Variants in CCDC47 observed in about 807,000 individuals in gnomAD.
CCDC47 encodes the protein PAT complex subunit CCDC47.
CCDC47 carries 41 observed loss-of-function variants against 60.5 expected under a neutral mutation model. The ratio of observed to expected loss-of-function variants is 0.68; its 90% confidence interval spans 0.53 to 0.88. CCDC47 has a LOEUF of 0.88. Among genes scored for constraint, CCDC47 ranks in the 40% least tolerant of loss-of-function variants. The pLI is 0.00. For synonymous variants in CCDC47, 195 were observed against 190.7 expected (o/e 1.02, Z -0.18); for missense variants, 513 against 580.9 (o/e 0.88, Z 1.20).
At chr17:63,759,548 TATATATATATA>T (rs2039238393) in intron 6 of CCDC47, among the ~76,000 whole-genome samples, 1 of 24,830 alleles carries the variant, frequency 4.0e-5, no homozygotes, top group Non-Finnish European at 6.7e-5. Context: ...TATATATATA[TATATATATATA>T]TATATATATA....
At chr17:63,757,460 G>A (rs1304994225) in intron 6 of CCDC47, among the ~76,000 whole-genome samples, 1 of 151,556 alleles carries the variant, frequency 6.6e-6, no homozygotes, top group Non-Finnish European at 1.5e-5. Context: ...GACATTAAGA[G>A]GACCCTAAGC....
intron 6 of CCDC47, among the ~76,000 whole-genome samples, chr17:63,758,660 C>T (rs2039226168): frequency 6.6e-6 from 1 of 151,994 alleles, no homozygotes; most frequent in South Asian, 2.1e-4. Context: ...TACTAGTACT[C>T]TGGGCCAGAA....
rs752808650 is a variant in CCDC47 at position 63,761,213 on chromosome 17, A to G, written c.669+17T>C. 20 of 1,613,962 alleles carry G rather than the reference A, an allele frequency of 1.2e-5. No individual in the cohort carries two copies. The highest frequency in any genetic ancestry group is 1.7e-5 in the Non-Finnish European group (20 of 1,179,970). The stretch of plus-strand genomic sequence containing the variant: ...ATTAAGGGAAGATATATATCGTACA[A>G]GAAGTTTCCTACTTACCCTCAGCTG... On this transcript the variant is annotated intron_variant, in intron 5 of 12. Transcript: ENST00000225726.
At chr17:63,749,453 GAAAAAAAAA>G (rs34119562) in intron 12 of CCDC47, among the ~76,000 whole-genome samples, 5 of 101,296 alleles carry the variant, frequency 4.9e-5, no homozygotes, top group Non-Finnish European at 1.0e-4. Flanking sequence ...CCAGAATAAG[GAAAAAAAAA>G]AAAAAAAAAG....
intron 12 of CCDC47, among the ~76,000 whole-genome samples, chr17:63,749,378 C>T (rs188016756): frequency 2.0e-3 from 290 of 145,564 alleles, no homozygotes; most frequent in African/African-American, 7.0e-3. Context: ...CTGGGCAACA[C>T]AGCAAGACTA....
intron 12 of CCDC47, 28 bp downstream of exon 12, chr17:63,751,912 T>G (rs768198113): frequency 6.2e-7 from 1 of 1,612,454 alleles, no homozygotes; most frequent in South Asian, 1.1e-5. Flanking sequence ...CAAATCGTAG[T>G]TTTACCCCAG....
In CCDC47 at chr17:63,766,116, G is replaced by A. The variant is rs1370708348; in HGVS notation, c.60C>T (p.Ala20=). 2 of 1,613,640 alleles carry A rather than the reference G, an allele frequency of 1.2e-6. No individual in the cohort carries two copies. The highest frequency in any genetic ancestry group is 1.7e-6 in the Non-Finnish European group (2 of 1,179,910). ...CCTCATCCTCAAAATCATCAAACTT[G>A]GCTTCAGAGACACTCCCAAACACCA... ...VLLVFGSVSE[A]KFDDFEDEED... The change falls in exon 2 of 13, where the codon GCC becomes GCT. Residue 20 remains alanine (A), a synonymous_variant. Transcript: ENST00000225726.
chr17:63,760,835 TCA>T, intron 6 of CCDC47, 77 bp downstream of exon 6: 1 of 813,812 alleles, frequency 1.2e-6, no homozygotes, highest in Non-Finnish European at 1.9e-6. Flanking sequence ...TGAGACTCCA[TCA>T]AAAAAAAAAA....
chr17:63,761,061 G>C, intron 5 of CCDC47, 82 bp from the exon 6 acceptor site: 1 of 1,364,752 alleles, frequency 7.3e-7, no homozygotes, highest in Admixed American at 1.8e-5. Flanking sequence ...AGAATCAAAT[G>C]CTTCATCAAA....
Position 63,764,131 on chromosome 17 carries a change from AG to A in CCDC47, c.431del (p.Thr144MetfsTer8). ...AATTCATGATATAAGCAAGCAGACC[AG>A]TCACCATCAAAATTTCTAGATAATA... ...ESYYLEILMV[T>X]GLLAYIMNYI... On this transcript the variant is annotated frameshift_variant, in exon 4 of 13. Coordinates refer to ENST00000225726, the MANE Select transcript of CCDC47 (RefSeq NM_020198.3). LOFTEE classifies it high-confidence loss of function. 6.2e-7 allele frequency: 1 copy of A among 1,612,456 alleles called. No homozygotes were observed.
chr17:63,766,995 A>T, intron 1 of CCDC47: 1 of 950,322 alleles, frequency 1.1e-6, no homozygotes, highest in Non-Finnish European at 1.3e-6. Flanking sequence ...TGTGCTAGAC[A>T]CTGTTCCAAA....
chr17:63,748,882 C>T (rs550829228), intron 12 of CCDC47, among the ~76,000 whole-genome samples: 86 of 151,826 alleles, frequency 5.7e-4, no homozygotes, highest in African/African-American at 1.9e-3. Flanking sequence ...GGTGTGGTGG[C>T]GGGCACCTGT....
chr17:63,753,978 C>T (rs979301934), intron 9 of CCDC47, among the ~76,000 whole-genome samples: 11 of 152,000 alleles, frequency 7.2e-5, no homozygotes, highest in African/African-American at 2.7e-4. Context: ...TGGTGGTGCA[C>T]GCCTGTAATC....
chr17:63,757,868 T>C (rs2039219599), intron 6 of CCDC47, among the ~76,000 whole-genome samples: 1 of 152,174 alleles, frequency 6.6e-6, no homozygotes, highest in African/African-American at 2.4e-5. Context: ...TGACTTAACA[T>C]AGACCCTAGT....
At chr17:63,752,974 G>A in intron 9 of CCDC47, 175 bp from the exon 10 acceptor site, 4 of 939,564 alleles carry the variant, frequency 4.3e-6, no homozygotes, top group South Asian at 4.9e-5. Context: ...TGGTCCACTC[G>A]TCTATCTGAT....
Position 63,752,411 on chromosome 17 carries a change from G to A in CCDC47, c.1112C>T (p.Thr371Ile). The A allele has an allele frequency of 2.5e-6, 4 of 1,612,140 alleles. No homozygotes were observed. The highest frequency in any genetic ancestry group is 3.4e-6 in the Non-Finnish European group (4 of 1,178,866). ...FTFNVPGSGN[T>I]YPKDMEALLP... ...CAGTGCCTCCATATCCTTTGGGTAA[G>A]TGTTACCTGAGCCAGGCACTGGAAA... Residue 371 changes from threonine (T) to isoleucine (I), a missense_variant, in exon 11 of 13, where the codon ACT becomes ATT. Physicochemically the swap from Thr to Ile is moderately conservative, Grantham distance 89. Coordinates refer to ENST00000225726, the MANE Select transcript of CCDC47 (RefSeq NM_020198.3).
At chr17:63,760,417 T>C (rs1052128392) in intron 6 of CCDC47, among the ~76,000 whole-genome samples, 48 of 152,328 alleles carry the variant, frequency 3.2e-4, no homozygotes, top group Middle Eastern at 3.4e-3. Flanking sequence ...GAAGGCCCCC[T>C]GACAGTTGCA....
In CCDC47 at chr17:63,764,158, A is replaced by G; in HGVS notation, c.405T>C (p.Ser135=). Residue 135 remains serine, a synonymous_variant, in exon 4 of 13, where the codon AGT becomes AGC. Coordinates refer to ENST00000225726, the MANE Select transcript of CCDC47 (RefSeq NM_020198.3). The part of the protein sequence containing the change: ...VPAHLQNSWE[S]YYLEILMVTG... Reference sequence around the variant, plus strand: ...TCACCATCAAAATTTCTAGATAATAACTCTCCCAGCTGTTCTGGAGGTGTG... The same window carrying G: ...TCACCATCAAAATTTCTAGATAATAGCTCTCCCAGCTGTTCTGGAGGTGTG... 1 of 1,611,434 alleles carries G rather than the reference A, an allele frequency of 6.2e-7. No individual in the cohort carries two copies. The highest frequency in any genetic ancestry group is 1.3e-5 in the African/African-American group (1 of 74,886).
chr17:63,767,709 C>CT (rs1213864183), intron 1 of CCDC47, among the ~76,000 whole-genome samples: 4 of 151,930 alleles, frequency 2.6e-5, no homozygotes, highest in Non-Finnish European at 5.9e-5. Context: ...GCATATTGTT[C>CT]TTTTTTTAAA....
Sources: allele counts gnomAD v4.1 joint callset (sites outside exome capture counted in the v4.1 genomes callset), GRCh38; gene constraint gnomAD v4.1.1; transcripts MANE v1.5; gene names NCBI Gene and HGNC (gene_info 2026-07-23, HGNC 2026-07-21).